The following CHD1L variants were observed in gnomAD, a reference collection of about 807,000 sequenced individuals.
The protein encoded by CHD1L is chromodomain helicase DNA binding protein 1 like.
Under a neutral mutation model 115.9 loss-of-function variants are expected in CHD1L, and 118 were observed. The observed-to-expected ratio is 1.02, with a 90% CI of 0.88 to 1.19. The LOEUF (loss-of-function observed/expected upper bound fraction) is 1.19. CHD1L is among the 50% of genes most tolerant of loss of function. The pLI is 0.00. For missense variants in CHD1L, 1,179 were observed against 1,065.3 expected (o/e 1.11, Z -1.49); for synonymous variants, 411 against 387.1 (o/e 1.06, Z -0.72).
intron 15 of CHD1L, among the ~76,000 whole-genome samples, chr1:147,281,606 C>A (rs1680869649): frequency 6.6e-6 from 1 of 152,058 alleles, no homozygotes; most frequent in Admixed American, 6.6e-5. Context: ...TGTTTGTATT[C>A]TTCAAGAACT....
chr1:147,186,417 A>T, the CHD1L span: 1 of 908,560 alleles, frequency 1.1e-6, no homozygotes, highest in Non-Finnish European at 1.3e-6. Flanking sequence ...TATTGTAGGA[A>T]CATTATTTCT....
At chr1:147,187,596 T>A in the CHD1L span, among the ~76,000 whole-genome samples, 1 of 152,044 alleles carries the variant, frequency 6.6e-6, no homozygotes, top group Admixed American at 6.6e-5. Context: ...GACTCTGATG[T>A]TATGAGAAAG....
intron 1 of CHD1L, among the ~76,000 whole-genome samples, chr1:147,250,329 A>T (rs1239253233): frequency 2.6e-5 from 4 of 151,934 alleles, no homozygotes; most frequent in South Asian, 2.1e-4. Context: ...CATTTTTTTT[A>T]AATCATGTTT....
chr1:147,273,182 A>C (rs1165497199), intron 12 of CHD1L, among the ~76,000 whole-genome samples: 2 of 152,150 alleles, frequency 1.3e-5, no homozygotes, highest in African/African-American at 4.8e-5. Context: ...CAGCCTAAGA[A>C]ATTTTTCTCA....
chr1:147,177,070 GT>G, the CHD1L span, among the ~76,000 whole-genome samples: 1 of 151,844 alleles, frequency 6.6e-6, no homozygotes, highest in Non-Finnish European at 1.5e-5. Context: ...CCAGCATCCA[GT>G]TTTTTGTTTC....
chr1:147,198,243 C>A, the CHD1L span, among the ~76,000 whole-genome samples: 1 of 152,112 alleles, frequency 6.6e-6, no homozygotes, highest in African/African-American at 2.4e-5. Flanking sequence ...TACCTCAAGG[C>A]TAAACTGACA....
chr1:147,282,866 C>G (rs1681459488), intron 15 of CHD1L, among the ~76,000 whole-genome samples: 1 of 152,160 alleles, frequency 6.6e-6, no homozygotes, highest in South Asian at 2.1e-4. Context: ...AAAAAATCCC[C>G]AGTTGTATTA....
At chr1:147,238,228 C>G (rs7537483), upstream of CHD1L, among the ~76,000 whole-genome samples, 13,427 of 152,230 alleles carry the variant, frequency 0.088, 667 homozygotes, top group East Asian at 0.16. Context: ...GGACCTAATT[C>G]TAACCTAAGC....
At chr1:147,280,766 T>G (rs1553961459) in intron 15 of CHD1L, among the ~76,000 whole-genome samples, 1 of 152,196 alleles carries the variant, frequency 6.6e-6, no homozygotes. Context: ...CACTTAAATT[T>G]CCGATTTGAA....
chr1:147,212,367 G>A, the CHD1L span: 1,102 of 1,612,466 alleles, frequency 6.8e-4, 1 homozygote, highest in Middle Eastern at 2.8e-3. Context: ...GTTAAGCAAC[G>A]TAAATAATAA....
chr1:147,258,701 G>A (rs1271578293), intron 5 of CHD1L, among the ~76,000 whole-genome samples: 1 of 152,158 alleles, frequency 6.6e-6, no homozygotes, highest in Non-Finnish European at 1.5e-5. Flanking sequence ...CTCAGGAAGA[G>A]GGCCTCCTCC....
At chr1:147,287,808 G>T (rs1310468472) in intron 19 of CHD1L, 75 bp downstream of exon 19, 2 of 1,200,198 alleles carry the variant, frequency 1.7e-6, no homozygotes, top group East Asian at 2.4e-5. Context: ...TATCGTGAGG[G>T]TTACACAGCA....
chr1:147,183,323 G>A, the CHD1L span, among the ~76,000 whole-genome samples: 1 of 152,158 alleles, frequency 6.6e-6, no homozygotes, highest in African/African-American at 2.4e-5. Flanking sequence ...TTTTCTAAAA[G>A]AATTATTCAC....
At chr1:147,208,597 A>C in the CHD1L span, 1 of 341,340 alleles carries the variant, frequency 2.9e-6, no homozygotes, top group South Asian at 2.7e-5. Context: ...GTGCCACCAC[A>C]CCTGGCTAAT....
chr1:147,220,214 A>C, the CHD1L span, among the ~76,000 whole-genome samples: 2 of 152,220 alleles, frequency 1.3e-5, no homozygotes, highest in African/African-American at 4.8e-5. Context: ...ATACCCCTGA[A>C]ATTACATACG....
At chr1:147,234,529 A>C in the CHD1L span, among the ~76,000 whole-genome samples, 1 of 152,228 alleles carries the variant, frequency 6.6e-6, no homozygotes, top group African/African-American at 2.4e-5. Flanking sequence ...ATGTTATAAC[A>C]CATGTAAAGT....
the CHD1L span, chr1:147,187,297 T>C: frequency 1.5e-6 from 2 of 1,361,622 alleles, no homozygotes; most frequent in Non-Finnish European, 2.0e-6. Context: ...AATCAGTCAG[T>C]CAATCAATTA....
intron 9 of CHD1L, among the ~76,000 whole-genome samples, chr1:147,268,002 G>A (rs1674624261): frequency 6.6e-6 from 1 of 152,110 alleles, no homozygotes; most frequent in Non-Finnish European, 1.5e-5. Flanking sequence ...CCAACCAATG[G>A]TTATTTGTTA....
the CHD1L span, among the ~76,000 whole-genome samples, chr1:147,234,366 C>A: frequency 2.6e-5 from 4 of 152,202 alleles, no homozygotes; most frequent in African/African-American, 9.6e-5. Flanking sequence ...AGCATCCATT[C>A]TATGCCTGCT....
Sources: allele counts gnomAD v4.1 joint callset (sites outside exome capture counted in the v4.1 genomes callset), GRCh38; gene constraint gnomAD v4.1.1; transcripts MANE v1.5; gene names NCBI Gene and HGNC (gene_info 2026-07-23, HGNC 2026-07-21).